Variants in WDR72 observed in about 807,000 individuals in gnomAD.
The protein encoded by WDR72 is WD repeat domain 72, also known as WD repeat-containing protein 72.
WDR72 carries 120 observed loss-of-function variants against 124.2 expected under a neutral mutation model. The observed-to-expected ratio is 0.97, with a 90% CI of 0.83 to 1.12. The LOEUF is 1.12. Among genes scored for constraint, WDR72 ranks in the 50% most tolerant of loss-of-function variants. The pLI is 0.00. For synonymous variants in WDR72, 452 were observed against 441.7 expected (o/e 1.02, Z -0.29); for missense variants, 1,387 against 1,278.8 (o/e 1.08, Z -1.29).
chr15:53,671,841 C>T (rs1283864591), intron 13 of WDR72, among the ~76,000 whole-genome samples: 2 of 150,980 alleles, frequency 1.3e-5, no homozygotes, highest in African/African-American at 4.9e-5. Context: ...TCGTGGACTA[C>T]AGAACAGAAG....
intron 13 of WDR72, among the ~76,000 whole-genome samples, chr15:53,688,747 G>C (rs1271046727): frequency 6.6e-6 from 1 of 151,890 alleles, no homozygotes; most frequent in Admixed American, 6.6e-5. Context: ...AAAAGAGCCC[G>C]CATCGCCAAG....
intron 14 of WDR72, 52 bp downstream of exon 14, chr15:53,665,520 T>C: frequency 1.2e-6 from 2 of 1,604,472 alleles, no homozygotes; most frequent in Non-Finnish European, 1.7e-6. Flanking sequence ...GCATATAACT[T>C]CTTATTCGGT....
At chr15:53,540,591 G>A (rs1893043829) in intron 18 of WDR72, among the ~76,000 whole-genome samples, 1 of 149,266 alleles carries the variant, frequency 6.7e-6, no homozygotes, top group African/African-American at 2.5e-5. Flanking sequence ...AAAAACAAGA[G>A]GAAAGAAAGA....
At chr15:53,706,193 T>C in intron 9 of WDR72, 119 bp from the exon 10 acceptor site, 2 of 1,147,318 alleles carry the variant, frequency 1.7e-6, no homozygotes, top group South Asian at 1.4e-5. Context: ...TATTTCCCAC[T>C]CTTTTGACAT....
upstream of WDR72, among the ~76,000 whole-genome samples, chr15:53,762,231 G>A (rs2019074421): frequency 6.6e-6 from 1 of 152,030 alleles, no homozygotes; most frequent in South Asian, 2.1e-4. Flanking sequence ...ACATATCCTG[G>A]GTCTTCCTGC....
At chr15:53,683,871 C>T (rs1283130278) in intron 13 of WDR72, among the ~76,000 whole-genome samples, 2 of 152,080 alleles carry the variant, frequency 1.3e-5, no homozygotes, top group Non-Finnish European at 1.5e-5. Flanking sequence ...CCCAACTGTA[C>T]TGCTACCATT....
rs1273272745 is a variant in WDR72, at chr15:53,714,520, T to C, written c.515-10A>G. 1.2e-6 allele frequency: 2 copies of C among 1,608,186 alleles called. No homozygotes were observed. The highest frequency in any genetic ancestry group is 8.5e-7 in the Non-Finnish European group (1 of 1,174,806). ...ACCAAGAGAGAATCTTCTGTGAAAA[T>C]AATAAAAGTCACATATAAGCTTACC... is the stretch of plus-strand genomic sequence containing the variant. On this transcript the variant is annotated splice_polypyrimidine_tract_variant and intron_variant, in intron 5 of 19. Transcript: ENST00000360509.
At chr15:53,667,473 G>C (rs1294613069) in intron 13 of WDR72, among the ~76,000 whole-genome samples, 1 of 152,036 alleles carries the variant, frequency 6.6e-6, no homozygotes, top group African/African-American at 2.4e-5. Flanking sequence ...TACACCTCAG[G>C]GAGAAAAAAA....
At chr15:53,710,171 T>A (rs558498302) in intron 9 of WDR72, among the ~76,000 whole-genome samples, 8 of 152,344 alleles carry the variant, frequency 5.3e-5, no homozygotes, top group African/African-American at 1.9e-4. Flanking sequence ...AATTTATTCG[T>A]AAGAATAGCT....
At chr15:53,734,610 T>C (rs1595881526) in intron 1 of WDR72, among the ~76,000 whole-genome samples, 1 of 152,072 alleles carries the variant, frequency 6.6e-6, no homozygotes, top group African/African-American at 2.4e-5. Context: ...ACAATAAGTA[T>C]TAGAACTAAA....
At chr15:53,529,424 T>C (rs1167549135) in intron 18 of WDR72, among the ~76,000 whole-genome samples, 1 of 151,818 alleles carries the variant, frequency 6.6e-6, no homozygotes, top group Non-Finnish European at 1.5e-5. Flanking sequence ...GCTTTGAGAC[T>C]CAAATATTCT....
At chr15:53,567,323 C>A (rs1894337500) in intron 18 of WDR72, among the ~76,000 whole-genome samples, 1 of 151,914 alleles carries the variant, frequency 6.6e-6, no homozygotes, top group Non-Finnish European at 1.5e-5. Context: ...GTAGTTCATA[C>A]AATAGATTTG....
intron 14 of WDR72, among the ~76,000 whole-genome samples, chr15:53,650,227 C>A (rs1424550176): frequency 6.6e-6 from 1 of 152,112 alleles, no homozygotes; most frequent in Non-Finnish European, 1.5e-5. Flanking sequence ...TATGCAATAT[C>A]TGAAATAGTC....
At chr15:53,711,975 T>G (rs2017552021) in intron 7 of WDR72, among the ~76,000 whole-genome samples, 1 of 152,202 alleles carries the variant, frequency 6.6e-6, no homozygotes, top group South Asian at 2.1e-4. Flanking sequence ...CAACTTAGCT[T>G]TTCTTTCTTC....
At chr15:53,593,211 G>T (rs902747191) in intron 18 of WDR72, among the ~76,000 whole-genome samples, 3 of 152,016 alleles carry the variant, frequency 2.0e-5, no homozygotes, top group African/African-American at 7.2e-5. Context: ...TTTAGTAAGA[G>T]AAGCATGATT....
At chr15:53,524,511 G>A (rs935307601) in intron 18 of WDR72, among the ~76,000 whole-genome samples, 1 of 152,026 alleles carries the variant, frequency 6.6e-6, no homozygotes, top group Non-Finnish European at 1.5e-5. Flanking sequence ...GGTCCAGTCA[G>A]CATTAGTAGT....
Position 53,531,743 on chromosome 15 carries a change from G to T in WDR72, c.3149-8421C>A, listed in dbSNP as rs1304920995. ...AGAAAGCTAGGTTCCATACAAAAGA[G>T]ATGTTATCATATTGGAGAGCTAAGA... On this transcript the variant is annotated intron_variant, in intron 18 of 19. Transcript: ENST00000360509. 4.0e-5 allele frequency among the ~76,000 whole-genome samples: 6 copies of T among 150,280 alleles called. No homozygotes were observed. In the Admixed American group the frequency reaches 4.0e-4, roughly 10 times the overall value.
intron 1 of WDR72, among the ~76,000 whole-genome samples, chr15:53,752,137 T>C (rs896446952): frequency 1.3e-5 from 2 of 152,156 alleles, no homozygotes; most frequent in African/African-American, 2.4e-5. Flanking sequence ...GTAGGAGAGA[T>C]AAAGATAAAA....
chr15:53,706,416 G>A (rs961827574), intron 9 of WDR72, among the ~76,000 whole-genome samples: 1 of 127,042 alleles, frequency 7.9e-6, no homozygotes, highest in Non-Finnish European at 1.7e-5. Flanking sequence ...ACACATTACT[G>A]CAAGGGGCTT....
Sources: allele counts gnomAD v4.1 joint callset (sites outside exome capture counted in the v4.1 genomes callset), GRCh38; gene constraint gnomAD v4.1.1; transcripts MANE v1.5; gene names NCBI Gene and HGNC (gene_info 2026-07-23, HGNC 2026-07-21).